PSD3: variants seen among roughly 807,000 people sequenced by gnomAD.
PSD3 encodes PH and SEC7 domain-containing protein 3.
In PSD3, 49 loss-of-function variants were observed where a neutral mutation model predicts 105.5. The ratio of observed to expected loss-of-function variants is 0.46; its 90% CI spans 0.37 to 0.59. The LOEUF is 0.59. PSD3 is among the 20% of genes least tolerant of loss of function. PSD3 has a pLI of 0.00. For missense variants in PSD3, 1,561 were observed against 1,263.8 expected, an observed-to-expected ratio of 1.24 and a Z score of -3.57; for synonymous variants, 557 against 457.8, an observed-to-expected ratio of 1.22 and a Z score of -2.77.
chr8:18,570,843 C>CTACTATTATTATTATTAT (rs1554514105), intron 14 of PSD3, among the ~76,000 whole-genome samples: 1 of 117,422 alleles, frequency 8.5e-6, no homozygotes, highest in Middle Eastern at 4.5e-3. Flanking sequence ...CTGCTTAAAA[C>CTACTATTATTATTATTAT]TATTATTATT....
intron 9 of PSD3, chr8:18,733,831 A>C (rs1803949179): frequency 6.5e-6 from 1 of 152,674 alleles, no homozygotes; most frequent in South Asian, 2.1e-4. Context: ...TGAAGCCTGC[A>C]AATCATTTAG....
rs536622197 is a variant in PSD3 at position 18,850,704 on chromosome 8, A to C, written c.1634+16970T>G. 4.6e-5 allele frequency among the ~76,000 whole-genome samples: 7 copies of C among 152,278 alleles called. No individual in the cohort carries two copies. In the East Asian group the frequency reaches 1.4e-3, roughly 29 times the overall value. On this transcript the variant is annotated intron_variant, in intron 4 of 15. Transcript: ENST00000327040. Reference sequence around the variant, plus strand: ...TAGTCACTATCTCTCCTCCCCATGCACAAAAAGGTCTTGTAGCTCAACCCC... The same window carrying C: ...TAGTCACTATCTCTCCTCCCCATGCCCAAAAAGGTCTTGTAGCTCAACCCC...
At chr8:18,772,553 G>C (rs1428966987) in intron 8 of PSD3, among the ~76,000 whole-genome samples, 2 of 152,128 alleles carry the variant, frequency 1.3e-5, no homozygotes, top group Non-Finnish European at 2.9e-5. Flanking sequence ...TCGTGGCCCA[G>C]GCTGGAGTGC....
chr8:18,643,347 A>G (rs1467439885), intron 10 of PSD3, among the ~76,000 whole-genome samples: 2 of 152,188 alleles, frequency 1.3e-5, no homozygotes, highest in African/African-American at 2.4e-5. Context: ...AAACCATAGT[A>G]TTCTGTCTGT....
At chr8:18,562,274 T>C (rs189060301) in intron 14 of PSD3, among the ~76,000 whole-genome samples, 180 of 152,302 alleles carry the variant, frequency 1.2e-3, no homozygotes, top group Non-Finnish European at 2.2e-3. Context: ...ACCTGGCCAC[T>C]GTCCTTTCTA....
intron 1 of PSD3, among the ~76,000 whole-genome samples, chr8:19,002,314 C>G (rs1054360913): frequency 2.6e-5 from 4 of 151,970 alleles, no homozygotes; most frequent in African/African-American, 7.2e-5. Flanking sequence ...TGCTGGTGTT[C>G]TAGGGTGTGT....
intron 10 of PSD3, among the ~76,000 whole-genome samples, chr8:18,635,522 T>G (rs1174061629): frequency 6.6e-6 from 1 of 152,052 alleles, no homozygotes. Flanking sequence ...GTATCCTACT[T>G]CTATTTATTA....
chr8:18,606,755 G>A (rs76846572), intron 11 of PSD3, among the ~76,000 whole-genome samples: 203 of 152,118 alleles, frequency 1.3e-3, no homozygotes, highest in African/African-American at 4.6e-3. Flanking sequence ...AGAGGCATAC[G>A]ATACATTAAG....
Position 19,019,086 on chromosome 8 carries a change from C to T in PSD3, c.324+65120G>A, listed in dbSNP as rs143384996. ...CTGGGATTACAAGCGTGAGCCACTG[C>T]GCCCAGCCAGAAGATAAGTTTCTTA... On this transcript the variant is annotated intron_variant, in intron 1 of 1. Coordinates refer to the PSD3 transcript ENST00000521475. Among the ~76,000 whole-genome samples, 14 of 152,282 alleles carry T rather than the reference C, an allele frequency of 9.2e-5. No homozygotes were observed. In the East Asian group the frequency reaches 2.1e-3, roughly 23 times the overall value.
intron 9 of PSD3, among the ~76,000 whole-genome samples, chr8:18,697,272 C>CA (rs1801314187): frequency 6.6e-6 from 1 of 152,076 alleles, no homozygotes; most frequent in Non-Finnish European, 1.5e-5. Flanking sequence ...CTGGGTATCA[C>CA]AGGCAAGGGG....
At chr8:18,802,971 T>C (rs1188163934) in intron 6 of PSD3, among the ~76,000 whole-genome samples, 1 of 152,160 alleles carries the variant, frequency 6.6e-6, no homozygotes, top group Admixed American at 6.5e-5. Flanking sequence ...ACTGAAGAGT[T>C]AATTCCAAAG....
At chr8:18,996,769 T>G (rs899546823) in intron 1 of PSD3, among the ~76,000 whole-genome samples, 2 of 151,948 alleles carry the variant, frequency 1.3e-5, no homozygotes, top group African/African-American at 2.4e-5. Flanking sequence ...ATTTGATGTT[T>G]CCGTTTCTCT....
intron 9 of PSD3, among the ~76,000 whole-genome samples, chr8:18,734,629 T>C (rs1364908882): frequency 1.3e-5 from 2 of 152,164 alleles, no homozygotes; most frequent in African/African-American, 2.4e-5. Flanking sequence ...CCCGCCCTTA[T>C]GGAACTTAGC....
Position 18,990,678 on chromosome 8 carries a change from T to C in PSD3, c.21+22885A>G, listed in dbSNP as rs1267509131. Among the ~76,000 whole-genome samples, 5 of 152,204 alleles carry C rather than the reference T, an allele frequency of 3.3e-5. No homozygotes were observed. The East Asian group carries it at 9.6e-4, about 29-fold the overall frequency. On this transcript the variant is annotated intron_variant, in intron 1 of 15. Transcript: ENST00000327040. ...ATATTTCTGGTAATAAGGAAACAAA[T>C]TTTAATTGAAATTTTTTAAAACAGA... is the stretch of plus-strand genomic sequence containing the variant.
At chr8:18,895,126 G>C (rs1819059870) in intron 2 of PSD3, among the ~76,000 whole-genome samples, 1 of 152,148 alleles carries the variant, frequency 6.6e-6, no homozygotes, top group Non-Finnish European at 1.5e-5. Flanking sequence ...ATGTGCTCTT[G>C]GCAATCAAGG....
chr8:18,804,436 A>T, intron 6 of PSD3, 86 bp downstream of exon 6: 2 of 1,191,424 alleles, frequency 1.7e-6, no homozygotes, highest in Non-Finnish European at 2.4e-6. Flanking sequence ...AAAAAAAAAT[A>T]AGATTCTAGC....
intron 1 of PSD3, among the ~76,000 whole-genome samples, chr8:19,046,842 T>G (rs1026981872): frequency 2.0e-5 from 3 of 152,182 alleles, no homozygotes; most frequent in Admixed American, 6.5e-5. Flanking sequence ...GCAAGTGAAA[T>G]AGTTTGTCCT....
At chr8:18,917,404 A>AG (rs1348973891) in intron 2 of PSD3, among the ~76,000 whole-genome samples, 1 of 152,188 alleles carries the variant, frequency 6.6e-6, no homozygotes, top group African/African-American at 2.4e-5. Context: ...GGCACGACAC[A>AG]GGGGCAATGA....
At chr8:18,584,394 C>T (rs1452482381) in intron 12 of PSD3, among the ~76,000 whole-genome samples, 1 of 152,328 alleles carries the variant, frequency 6.6e-6, no homozygotes, top group Non-Finnish European at 1.5e-5. Context: ...AAGGCTCTCA[C>T]ACTAGAGTGT....
Sources: allele counts gnomAD v4.1 joint callset (sites outside exome capture counted in the v4.1 genomes callset), GRCh38; gene constraint gnomAD v4.1.1; transcripts MANE v1.5; gene names NCBI Gene and HGNC (gene_info 2026-07-23, HGNC 2026-07-21).